The following TRDN variants were observed in gnomAD, a reference collection of about 807,000 sequenced individuals.
TRDN encodes the protein triadin.
TRDN carries 161 observed loss-of-function variants against 149.7 expected under a neutral mutation model. The ratio of observed to expected loss-of-function variants is 1.08; its 90% CI spans 0.95 to 1.23. The LOEUF (loss-of-function observed/expected upper bound fraction) is 1.23, where lower values mean the gene tolerates loss of function less well. Among genes scored for constraint, TRDN ranks in the 50% most tolerant of loss-of-function variants. The pLI, the probability that TRDN is intolerant of heterozygous loss-of-function variation, is 0.00. For synonymous variants in TRDN, 294 were observed against 250.5 expected (o/e 1.17, Z -1.64); for missense variants, 896 against 823.5 (o/e 1.09, Z -1.08).
At chr6:123,413,256 T>A (rs920840276) in intron 12 of TRDN, among the ~76,000 whole-genome samples, 5 of 152,194 alleles carry the variant, frequency 3.3e-5, no homozygotes, top group African/African-American at 1.2e-4. Flanking sequence ...GACATCAGCA[T>A]CTCAGTCTCT....
chr6:123,318,396 T>A (rs1002229420), intron 23 of TRDN, among the ~76,000 whole-genome samples: 1 of 151,998 alleles, frequency 6.6e-6, no homozygotes, highest in African/African-American at 2.4e-5. Context: ...GTAGATGAAG[T>A]GACTGAAACT....
intron 19 of TRDN, among the ~76,000 whole-genome samples, chr6:123,370,133 C>A (rs1322181822): frequency 6.6e-6 from 1 of 152,142 alleles, no homozygotes; most frequent in African/African-American, 2.4e-5. Flanking sequence ...TTTGTAACCT[C>A]CTGCACACCT....
chr6:123,343,469 T>A (rs567443996), intron 21 of TRDN, among the ~76,000 whole-genome samples: 1 of 151,882 alleles, frequency 6.6e-6, no homozygotes, highest in Non-Finnish European at 1.5e-5. Flanking sequence ...TGATATATAT[T>A]GAAAAATTGA....
At chr6:123,458,022 C>G (rs1409279502) in intron 10 of TRDN, among the ~76,000 whole-genome samples, 3 of 152,122 alleles carry the variant, frequency 2.0e-5, no homozygotes, top group African/African-American at 7.2e-5. Flanking sequence ...AAAAATCTTA[C>G]AGTTGATCCT....
chr6:123,228,878 G>A (rs940574052), intron 38 of TRDN, among the ~76,000 whole-genome samples: 3 of 151,796 alleles, frequency 2.0e-5, no homozygotes, highest in Non-Finnish European at 2.9e-5. Flanking sequence ...TAAAATGAGA[G>A]GGGGTGCTAA....
At chr6:123,355,233 T>A (rs2114311156) in intron 20 of TRDN, among the ~76,000 whole-genome samples, 1 of 151,754 alleles carries the variant, frequency 6.6e-6, no homozygotes, top group Admixed American at 6.6e-5. Flanking sequence ...TCCACTTACA[T>A]TTTTTTCTCT....
intron 10 of TRDN, chr6:123,442,221 T>A (rs1428947869): frequency 6.6e-6 from 1 of 152,250 alleles, no homozygotes; most frequent in Non-Finnish European, 1.5e-5. Context: ...GGCAATGTGC[T>A]ATGGCACACC....
At chr6:123,563,234 C>T (rs897984031) in intron 2 of TRDN, among the ~76,000 whole-genome samples, 13 of 152,168 alleles carry the variant, frequency 8.5e-5, no homozygotes, top group African/African-American at 3.1e-4. Flanking sequence ...CTCAATATGA[C>T]CCTAATCAAC....
intron 23 of TRDN, among the ~76,000 whole-genome samples, chr6:123,322,645 TA>T (rs1779285969): frequency 3.4e-5 from 5 of 147,426 alleles, no homozygotes; most frequent in Middle Eastern, 7.2e-3. Context: ...TTATTATTAT[TA>T]TTATTATTAT....
intron 4 of TRDN, among the ~76,000 whole-genome samples, chr6:123,533,643 T>C (rs1033886798): frequency 1.3e-5 from 2 of 151,960 alleles, no homozygotes; most frequent in Non-Finnish European, 2.9e-5. Flanking sequence ...AGGAAATGAG[T>C]GCTAGGTAGT....
At chr6:123,517,804 A>G (rs945133030) in intron 5 of TRDN, among the ~76,000 whole-genome samples, 1 of 151,762 alleles carries the variant, frequency 6.6e-6, no homozygotes, top group Non-Finnish European at 1.5e-5. Context: ...TCTCTGTAAC[A>G]TTTTCTTTGA....
intron 5 of TRDN, chr6:123,529,226 T>G: frequency 6.5e-7 from 1 of 1,548,626 alleles, no homozygotes; most frequent in Non-Finnish European, 8.7e-7. Context: ...CTTCAGCAGA[T>G]AGAAACACAG....
At chr6:123,231,345 G>A (rs969289578) in intron 38 of TRDN, among the ~76,000 whole-genome samples, 5 of 151,982 alleles carry the variant, frequency 3.3e-5, no homozygotes, top group African/African-American at 4.8e-5. Context: ...TTCCTCTTAC[G>A]TAGATCAAAG....
In TRDN at chr6:123,226,930, CAAG is replaced by C. The variant is rs77679362; in HGVS notation, c.1976-2802_1976-2800del. Among the ~76,000 whole-genome samples, 461 of 151,696 alleles carry C rather than the reference CAAG, an allele frequency of 3.0e-3. 17 individuals are homozygous for C. The East Asian group carries it at 0.075, about 25-fold the overall frequency. On this transcript the variant is annotated intron_variant, in intron 38 of 40. Transcript: ENST00000334268. ...TTTGAAATGGGACTTATAATATTTT[CAAG>C]AAGGAGATGCCAAAATTAAAGTGAG...
chr6:123,355,142 C>T (rs955925428), intron 20 of TRDN, among the ~76,000 whole-genome samples: 2 of 151,414 alleles, frequency 1.3e-5, no homozygotes, highest in East Asian at 3.9e-4. Context: ...GATTTGTATG[C>T]ATCTGTAATA....
chr6:123,529,933 G>C (rs913567734), intron 5 of TRDN, among the ~76,000 whole-genome samples: 19 of 151,886 alleles, frequency 1.3e-4, no homozygotes, highest in African/African-American at 4.6e-4. Context: ...GACAATGCTG[G>C]CCTTTCTTAA....
At chr6:123,553,551 T>G (rs1209394845) in intron 2 of TRDN, among the ~76,000 whole-genome samples, 4 of 152,154 alleles carry the variant, frequency 2.6e-5, no homozygotes, top group African/African-American at 4.8e-5. Flanking sequence ...AGCATGTGTA[T>G]TAGTCCGTTT....
chr6:123,470,383 T>A (rs980923153), intron 9 of TRDN: 8 of 150,988 alleles, frequency 5.3e-5, no homozygotes, highest in African/African-American at 1.7e-4. Flanking sequence ...TGGGATGTTG[T>A]GAGTGTTTGT....
intron 2 of TRDN, among the ~76,000 whole-genome samples, chr6:123,557,913 G>A (rs1781765992): frequency 6.6e-6 from 1 of 151,202 alleles, no homozygotes; most frequent in Non-Finnish European, 1.5e-5. Context: ...CCCTTAGCCT[G>A]TGTTCTCAAA....
Sources: allele counts gnomAD v4.1 joint callset (sites outside exome capture counted in the v4.1 genomes callset), GRCh38; gene constraint gnomAD v4.1.1; transcripts MANE v1.5; gene names NCBI Gene and HGNC (gene_info 2026-07-23, HGNC 2026-07-21).